DIAPH3: variants seen among roughly 807,000 people sequenced by gnomAD.
The protein encoded by DIAPH3 is diaphanous related formin 3, also known as protein diaphanous homolog 3.
A neutral mutation model predicts 144.3 loss-of-function variants in DIAPH3; 117 were observed. The ratio of observed to expected loss-of-function variants is 0.81; its 90% CI spans 0.70 to 0.95. The LOEUF (loss-of-function observed/expected upper bound fraction) is 0.95, where lower values mean the gene tolerates loss of function less well. Among genes scored for constraint, DIAPH3 ranks in the 40% least tolerant of loss-of-function variants. The pLI is 0.00. For missense variants in DIAPH3, 1,421 were observed against 1,412.7 expected (o/e 1.01, Z -0.09); for synonymous variants, 519 against 488.9 (o/e 1.06, Z -0.81).
chr13:60,040,488 G>A (rs1343041123), intron 5 of DIAPH3, among the ~76,000 whole-genome samples: 1 of 151,930 alleles, frequency 6.6e-6, no homozygotes, highest in African/African-American at 2.4e-5. Flanking sequence ...GTGTTTTTAG[G>A]TAAAATCACA....
chr13:60,065,253 T>TAAAAAAAAAAAAAAAAAAA (rs11344639), intron 4 of DIAPH3, among the ~76,000 whole-genome samples: 2 of 88,312 alleles, frequency 2.3e-5, no homozygotes, highest in Non-Finnish European at 4.6e-5. Flanking sequence ...TTTAATTTAT[T>TAAAAAAAAAAAAAAAAAAA]AAAAAAAAAA....
chr13:59,795,357 T>C (rs1048084998), intron 25 of DIAPH3, among the ~76,000 whole-genome samples: 4 of 152,134 alleles, frequency 2.6e-5, no homozygotes, highest in African/African-American at 9.7e-5. Context: ...ATTATTACTA[T>C]AGGGCCTGGC....
intron 7 of DIAPH3, among the ~76,000 whole-genome samples, chr13:60,011,573 G>C (rs1163344527): frequency 6.6e-6 from 1 of 151,998 alleles, no homozygotes; most frequent in East Asian, 1.9e-4. Context: ...TTCCTAAATA[G>C]TTGAAATCCA....
intron 27 of DIAPH3, among the ~76,000 whole-genome samples, chr13:59,708,609 T>C (rs747266508): frequency 2.8e-4 from 43 of 152,148 alleles, no homozygotes; most frequent in Admixed American, 7.2e-4. Flanking sequence ...GTGTTTTGTG[T>C]TTCCGCCCTT....
chr13:60,064,657 A>T (rs138679965), intron 4 of DIAPH3, among the ~76,000 whole-genome samples: 29 of 152,304 alleles, frequency 1.9e-4, no homozygotes, highest in African/African-American at 3.6e-4. Flanking sequence ...AACTTTCTCT[A>T]TGTCAACAAT....
At chr13:60,134,677 A>G (rs1240961404) in intron 1 of DIAPH3, among the ~76,000 whole-genome samples, 1 of 152,192 alleles carries the variant, frequency 6.6e-6, no homozygotes, top group Non-Finnish European at 1.5e-5. Context: ...TTCACTCTCA[A>G]AAGGGTTCAT....
chr13:60,140,888 A>G (rs1313929629), intron 1 of DIAPH3, among the ~76,000 whole-genome samples: 1 of 152,178 alleles, frequency 6.6e-6, no homozygotes, highest in Non-Finnish European at 1.5e-5. Flanking sequence ...ATTTTCAAGT[A>G]TGTCAGAATA....
At chr13:59,810,233 T>TAC (rs1415382734) in intron 25 of DIAPH3, among the ~76,000 whole-genome samples, 1 of 152,128 alleles carries the variant, frequency 6.6e-6, no homozygotes, top group African/African-American at 2.4e-5. Flanking sequence ...GATCAAGGCA[T>TAC]ACTGCAGCCT....
At chr13:59,844,197 A>C (rs955443491) in intron 22 of DIAPH3, among the ~76,000 whole-genome samples, 2 of 151,972 alleles carry the variant, frequency 1.3e-5, no homozygotes, top group African/African-American at 4.8e-5. Flanking sequence ...CTTCAAACAT[A>C]ATTTTAGCCA....
At chr13:59,967,673 T>C (rs1291720529) in intron 17 of DIAPH3, among the ~76,000 whole-genome samples, 1 of 152,222 alleles carries the variant, frequency 6.6e-6, no homozygotes, top group Non-Finnish European at 1.5e-5. Context: ...AATACACATT[T>C]TAATTGTCAT....
chr13:59,897,001 C>A (rs966612356), intron 20 of DIAPH3, among the ~76,000 whole-genome samples: 3 of 152,078 alleles, frequency 2.0e-5, no homozygotes, highest in African/African-American at 7.2e-5. Context: ...ATTGTGTCTA[C>A]TTGAAAGCCA....
intron 27 of DIAPH3, among the ~76,000 whole-genome samples, chr13:59,746,390 A>AT (rs34815880): frequency 0.34 from 49,455 of 145,438 alleles, 8,408 homozygotes; most frequent in African/African-American, 0.42. Context: ...TACCCAGCTA[A>AT]TTTTTTTTTT....
chr13:59,772,505 C>CTTAGA (rs2038173169), intron 27 of DIAPH3, among the ~76,000 whole-genome samples: 1 of 152,002 alleles, frequency 6.6e-6, no homozygotes, highest in Non-Finnish European at 1.5e-5. Context: ...TAAGCCAGTA[C>CTTAGA]ACATTAGCTT....
chr13:59,881,800 G>C (rs2045070513), intron 20 of DIAPH3, among the ~76,000 whole-genome samples: 1 of 151,844 alleles, frequency 6.6e-6, no homozygotes, highest in African/African-American at 2.4e-5. Flanking sequence ...ACAAAGCTTT[G>C]AACAACACTT....
rs555255569 is a variant in DIAPH3 at position 59,827,956 on chromosome 13, T to A, written c.3027+5151A>T. Among the ~76,000 whole-genome samples the A allele has an allele frequency of 2.6e-5, 4 of 152,146 alleles. No homozygotes were observed. In the East Asian group the frequency reaches 7.7e-4, roughly 29 times the overall value. ...CAATTAATCCTGTAGAAGCATGATA[T>A]CATTTGCTAATAACAAATAGATTGG... On this transcript the variant is annotated intron_variant, in intron 24 of 27. Coordinates refer to ENST00000400324, the MANE Select transcript of DIAPH3 (RefSeq NM_001042517.2).
At chr13:59,865,600 G>C (rs145659740) in intron 21 of DIAPH3, among the ~76,000 whole-genome samples, 3 of 151,890 alleles carry the variant, frequency 2.0e-5, no homozygotes, top group Non-Finnish European at 4.4e-5. Context: ...TACATTTAAC[G>C]TGGCATAAAT....
intron 18 of DIAPH3, among the ~76,000 whole-genome samples, chr13:59,923,011 T>A (rs1369917202): frequency 6.6e-6 from 1 of 152,176 alleles, no homozygotes; most frequent in Non-Finnish European, 1.5e-5. Flanking sequence ...CTGGTGGGGT[T>A]GTAGTGAAGA....
At chr13:59,830,657 C>G (rs1028427492) in intron 24 of DIAPH3, among the ~76,000 whole-genome samples, 1 of 151,728 alleles carries the variant, frequency 6.6e-6, no homozygotes, top group African/African-American at 2.4e-5. Context: ...AATGCCAAAA[C>G]CCTCTAATCC....
At chr13:60,010,838 G>A (rs1411088661) in intron 7 of DIAPH3, among the ~76,000 whole-genome samples, 169 bp from the exon 8 acceptor site, 1 of 152,144 alleles carries the variant, frequency 6.6e-6, no homozygotes, top group Non-Finnish European at 1.5e-5. Flanking sequence ...GGGCACGGTG[G>A]TTCACGCCTG....
Sources: gnomAD v4.1 joint callset for allele counts (sites outside exome capture counted in the v4.1 genomes callset) on GRCh38, gnomAD v4.1.1 for gene constraint, MANE v1.5 for transcripts, NCBI Gene and HGNC (gene_info 2026-07-23, HGNC 2026-07-21) for gene names.